The following NEB variants were observed in gnomAD, a reference collection of about 807,000 sequenced individuals.
The protein encoded by NEB is nebulin.
A neutral mutation model predicts 952.2 loss-of-function variants in NEB; 512 were observed. That is an observed-to-expected ratio of 0.54 (90% CI 0.50 to 0.58). The LOEUF is 0.58. Ranked by LOEUF, NEB falls within the 20% of genes least tolerant of loss-of-function variation. The pLI is 0.00. For synonymous variants in NEB, 2,900 were observed against 3,149.8 expected, an observed-to-expected ratio of 0.92 and a Z score of 2.66; for missense variants, 8,428 against 9,231.1, an observed-to-expected ratio of 0.91 and a Z score of 3.56.
chr2:151,632,179 G>T (rs73967578), intron 65 of NEB, among the ~76,000 whole-genome samples: 11,585 of 151,662 alleles, frequency 0.076, 868 homozygotes, highest in African/African-American at 0.18. Context: ...TTTTGCTGAA[G>T]GTTTTTATAT....
Position 151,695,564 on chromosome 2 carries a change from C to T in NEB, c.1674+14G>A, listed in dbSNP as rs1405580626. ...TGTCAGTACATCACATGGTACAGGG[C>T]ATAAGGAACTTACATCACTCAAGTT... On this transcript the variant is annotated intron_variant, in intron 18 of 181. Coordinates refer to ENST00000397345, the MANE Select transcript of NEB (RefSeq NM_001164508.2). The T allele has an allele frequency of 1.3e-6, 2 of 1,593,026 alleles. No homozygotes were observed. Among genetic ancestry groups the T allele is most frequent in the Non-Finnish European group, 1.7e-6 (2 of 1,161,548 alleles).
intron 48 of NEB, among the ~76,000 whole-genome samples, chr2:151,657,508 G>A (rs62174729): frequency 0.015 from 2,270 of 152,214 alleles, 23 homozygotes; most frequent in South Asian, 0.027. Flanking sequence ...AAATATGCCC[G>A]TCACAGCTGA....
chr2:151,553,295 C>A lies in NEB; in HGVS notation c.19731+103G>T, dbSNP rs4575719. The A allele has an allele frequency of 0.58, 546,389 of 938,830 alleles. 162,635 individuals carry two copies. Among genetic ancestry groups the A allele is most frequent in the Admixed American group, 0.7 (34,764 of 50,008 alleles). The allele number at this position is 938,830 out of a possible 1,614,324, so 58.2% of individuals were successfully genotyped here. ...AACTTTCTCCAGCTCAGCCACCCCC[C>A]AGAGCTGGCCTGTGACAATGTCCCT... On this transcript the variant is annotated intron_variant, in intron 127 of 181. Coordinates refer to ENST00000397345, the MANE Select transcript of NEB (RefSeq NM_001164508.2).
chr2:151,505,017 A>C (rs2067675375), intron 165 of NEB, among the ~76,000 whole-genome samples: 1 of 152,130 alleles, frequency 6.6e-6, no homozygotes, highest in African/African-American at 2.4e-5. Flanking sequence ...GTCTTTTTGG[A>C]CACTGGGAAT....
At chr2:151,684,055 G>A (rs906743009) in intron 28 of NEB, among the ~76,000 whole-genome samples, 14 of 152,046 alleles carry the variant, frequency 9.2e-5, no homozygotes, top group Admixed American at 7.9e-4. Context: ...GTTGCCACAA[G>A]CTAGGGGAAG....
At chr2:151,534,230 G>T in intron 142 of NEB, 2 of 1,613,264 alleles carry the variant, frequency 1.2e-6, no homozygotes, top group Non-Finnish European at 1.7e-6. Flanking sequence ...TGATCTGGTC[G>T]CCTGCGGTCT....
In NEB at chr2:151,672,523, T is replaced by A. The variant is rs754636982; in HGVS notation, c.4145A>T (p.His1382Leu). The change falls in exon 37 of 182, where the codon CAT (histidine) becomes CTT (leucine). Residue 1382 changes from histidine (H) to leucine (L), a missense_variant. Around this residue, in one of 11 missense-constraint regions of NEB, gnomAD observed 2,851 missense variants for 2,791.5 expected, o/e 1.02. Coordinates refer to ENST00000397345, the MANE Select transcript of NEB (RefSeq NM_001164508.2). ...GATGCTAACCATGTCCCCAGGGGTATGGTAGCTGGTTTTGGTGTTCTCATA... is the reference window on the plus strand; with the variant it reads ...GATGCTAACCATGTCCCCAGGGGTAAGGTAGCTGGTTTTGGTGTTCTCATA... ...KNYENTKTSY[H>L]TPGDMVSITA... is the part of the protein sequence containing the mutation. 1 of 1,613,998 alleles carries A rather than the reference T, an allele frequency of 6.2e-7. No individual in the cohort carries two copies. The highest frequency in any genetic ancestry group is 1.1e-5 in the South Asian group (1 of 91,082).
intron 170 of NEB, chr2:151,497,944 G>C (rs1319373335): frequency 1.4e-6 from 2 of 1,444,072 alleles, no homozygotes; most frequent in African/African-American, 2.9e-5. Context: ...AGTTATCCAT[G>C]TTATTTTTTT....
intron 20 of NEB, chr2:151,692,598 A>G: frequency 1.8e-6 from 1 of 550,874 alleles, no homozygotes; most frequent in Non-Finnish European, 3.2e-6. Context: ...ATTTTTTCAG[A>G]CTGAAAAACG....
intron 57 of NEB, among the ~76,000 whole-genome samples, 160 bp downstream of exon 57, chr2:151,643,658 C>T (rs2098916622): frequency 6.6e-6 from 1 of 152,174 alleles, no homozygotes; most frequent in Non-Finnish European, 1.5e-5. Context: ...CTGGCTCTTT[C>T]TTTGTGGAAT....
At chr2:151,674,709 A>G in intron 35 of NEB, 125 bp from the exon 36 acceptor site, 1 of 687,458 alleles carries the variant, frequency 1.5e-6, no homozygotes, top group Non-Finnish European at 2.5e-6. Flanking sequence ...TTAGGAAATC[A>G]CATTGGCAAA....
At chr2:151,688,994 A>C (rs1435101423) in intron 24 of NEB, among the ~76,000 whole-genome samples, 1 of 151,992 alleles carries the variant, frequency 6.6e-6, no homozygotes, top group Non-Finnish European at 1.5e-5. Flanking sequence ...GGAAAGCAAA[A>C]CCGTGGATAA....
At position 151,549,744 on chromosome 2, in the gene NEB, CA is replaced by C; in HGVS notation, c.19945-5del. On this transcript the variant is annotated splice_region_variant and splice_polypyrimidine_tract_variant and intron_variant, in intron 129 of 181. Coordinates refer to ENST00000397345, the MANE Select transcript of NEB (RefSeq NM_001164508.2). ...GCAGGCTGGTTTTGTATAGATTCTG[CA>C]GGAATGAGGAAGAGCAGGTTAAATG... The C allele has an allele frequency of 1.3e-6, 2 of 1,553,716 alleles. No individual in the cohort carries two copies. The highest frequency in any genetic ancestry group is 1.8e-6 in the Non-Finnish European group (2 of 1,140,674).
chr2:151,620,331 ATATATGTATGTGTGTG>A (rs2098370323), intron 72 of NEB, among the ~76,000 whole-genome samples: 1 of 114,636 alleles, frequency 8.7e-6, no homozygotes, highest in Non-Finnish European at 1.7e-5. Flanking sequence ...TTTATTATAT[ATATATGTATGTGTGTG>A]TATATATATA....
At chr2:151,723,253 A>C (rs1312363948) in intron 9 of NEB, 129 bp downstream of exon 9, 1 of 530,750 alleles carries the variant, frequency 1.9e-6, no homozygotes, top group East Asian at 2.9e-5. Flanking sequence ...ACAATTCTAG[A>C]CATACTCCTC....
chr2:151,547,108 A>C (rs186513448), intron 133 of NEB, among the ~76,000 whole-genome samples: 3 of 152,254 alleles, frequency 2.0e-5, no homozygotes, highest in Admixed American at 1.3e-4. Context: ...GAAAATACTC[A>C]ACATGACCTG....
At chr2:151,662,379 G>A (rs770801364) in intron 45 of NEB, 38 bp from the exon 46 acceptor site, 17 of 1,483,332 alleles carry the variant, frequency 1.1e-5, no homozygotes, top group South Asian at 4.3e-5. Flanking sequence ...AGAAGAAACT[G>A]GAACTTCCCA....
Position 151,516,566 on chromosome 2 carries a change from G to A in NEB, c.22801-3C>T, listed in dbSNP as rs753177210. Reference sequence around the variant, plus strand: ...TCATACTTTTCTTTGTATTTCACCTGGTGATAGAAAGCCATGTTAGATATC... The same window carrying A: ...TCATACTTTTCTTTGTATTTCACCTAGTGATAGAAAGCCATGTTAGATATC... On this transcript the variant is annotated splice_region_variant and splice_polypyrimidine_tract_variant and intron_variant, in intron 156 of 181. Coordinates refer to ENST00000397345, the MANE Select transcript of NEB (RefSeq NM_001164508.2). The A allele has an allele frequency of 6.3e-7, 1 of 1,589,374 alleles. No individual in the cohort carries two copies. The highest frequency in any genetic ancestry group is 1.1e-5 in the South Asian group (1 of 89,626).
At chr2:151,661,791 C>T (rs1409468567) in intron 46 of NEB, among the ~76,000 whole-genome samples, 8 of 152,092 alleles carry the variant, frequency 5.3e-5, no homozygotes, top group Admixed American at 5.2e-4. Flanking sequence ...GAGGTGGTTT[C>T]CAACACCAGC....
Sources: gnomAD v4.1 joint callset for allele counts (sites outside exome capture counted in the v4.1 genomes callset) on GRCh38, gnomAD v4.1.1 for gene constraint, gnomAD v4.1.1 regional missense constraint, MANE v1.5 for transcripts, NCBI Gene and HGNC (gene_info 2026-07-23, HGNC 2026-07-21) for gene names.